Variants in ZNF749 observed in about 807,000 individuals in gnomAD.
The protein encoded by ZNF749 is zinc finger protein 749.
ZNF749 carries 8 observed loss-of-function variants against 7.3 expected under a neutral mutation model. The ratio of observed to expected loss-of-function variants is 1.10; its 90% confidence interval spans 0.64 to 1.98. The LOEUF (loss-of-function observed/expected upper bound fraction) is 1.98, where lower values mean the gene tolerates loss of function less well. Among genes scored for constraint, ZNF749 ranks in the 30% most tolerant of loss-of-function variants. The pLI is 0.00. For missense variants in ZNF749, 898 were observed against 932.4 expected, an observed-to-expected ratio of 0.96 and a Z score of 0.48; for synonymous variants, 310 against 322.4, an observed-to-expected ratio of 0.96 and a Z score of 0.41.
chr19:57,429,281 C>T, the ZNF749 span, among the ~76,000 whole-genome samples: 104 of 152,302 alleles, frequency 6.8e-4, no homozygotes, highest in Non-Finnish European at 1.2e-3. This position sits in a 1 kb window ranked among gnomAD's most constrained non-coding sequence, Gnocchi z 4.2. Flanking sequence ...CTGCCTCGGC[C>T]TCCCAAAGTA....
At chr19:57,430,978 T>A (rs1600099178), upstream of ZNF749, among the ~76,000 whole-genome samples, 1 of 146,464 alleles carries the variant, frequency 6.8e-6, no homozygotes, top group East Asian at 2.0e-4. Context: ...AGGCAGAGAT[T>A]GCAGTGAGCC....
Position 57,443,274 on chromosome 19 carries a change from C to T in ZNF749, c.143-17C>T. The T allele has an allele frequency of 6.3e-7, 1 of 1,576,560 alleles. No homozygotes were observed. The highest frequency in any genetic ancestry group is 1.8e-5 in the Admixed American group (1 of 56,836). The stretch of plus-strand genomic sequence containing the variant: ...CCGGAGTTCACGTGCACTTCACCAG[C>T]ATTTCTGTTCTTACAGGTTGTTGGC... On this transcript the variant is annotated splice_polypyrimidine_tract_variant and intron_variant, in intron 2 of 2. Transcript: ENST00000334181.
At chr19:57,438,111 A>G (rs1443142756) in intron 1 of ZNF749, 1 of 398,942 alleles carries the variant, frequency 2.5e-6, no homozygotes, top group African/African-American at 2.1e-5. Context: ...GGCCGAAAGA[A>G]TGAGGGTCGT....
chr19:57,435,403 C>A lies in ZNF749; in HGVS notation c.-176C>A. On this transcript the variant is annotated 5_prime_UTR_variant, in exon 1 of 3. In the 5' UTR this introduces an upstream ATG that the reference lacks. Coordinates refer to ENST00000334181, the MANE Select transcript of ZNF749 (RefSeq NM_001023561.4). Reference sequence around the variant, plus strand: ...CACTGATTTAGAGGGTCCCAGAGCTCTGGGTCGGGACTGAGGTGAAAGAGC... The same window carrying A: ...CACTGATTTAGAGGGTCCCAGAGCTATGGGTCGGGACTGAGGTGAAAGAGC... 1.1e-6 allele frequency: 1 copy of A among 918,024 alleles called. No individual in the cohort carries two copies. The highest frequency in any genetic ancestry group is 1.7e-6 in the Non-Finnish European group (1 of 598,418). 56.9% of individuals were successfully genotyped at this position (918,024 alleles called of 1,614,324 possible).
chr19:57,430,198 C>T, the ZNF749 span, among the ~76,000 whole-genome samples: 7 of 152,130 alleles, frequency 4.6e-5, no homozygotes, highest in Non-Finnish European at 7.3e-5. Context: ...TTTATTGGCT[C>T]GTAGTTTGGA....
chr19:57,443,722 G>T lies in ZNF749; in HGVS notation c.574G>T (p.Glu192Ter). 6.2e-7 allele frequency: 1 copy of T among 1,614,112 alleles called. No individual in the cohort carries two copies. Among genetic ancestry groups the T allele is most frequent in the Non-Finnish European group, 8.5e-7 (1 of 1,179,986 alleles). Reference protein sequence around the residue: ...DTQDGEAFQGEQNDFNSSQGG... With the variant: ...DTQDGEAFQG ...CCAGGATGGGGAAGCCTTTCAAGGT[G>T]AACAGAATGATTTCAACTCCAGCCA... Residue 192 changes from glutamate to a stop codon, truncating the protein, a stop_gained, in exon 3 of 3, where the codon GAA (glutamate) becomes TAA (stop). Coordinates refer to ENST00000334181, the MANE Select transcript of ZNF749 (RefSeq NM_001023561.4). LOFTEE classifies it low-confidence loss of function (END_TRUNC).
At chr19:57,430,649 T>C (rs2088894724), upstream of ZNF749, among the ~76,000 whole-genome samples, 1 of 152,180 alleles carries the variant, frequency 6.6e-6, no homozygotes, top group African/African-American at 2.4e-5. Context: ...CTTGAAAGCA[T>C]AGATCTTTAG....
At chr19:57,430,497 G>C (rs2088894271), upstream of ZNF749, among the ~76,000 whole-genome samples, 1 of 152,140 alleles carries the variant, frequency 6.6e-6, no homozygotes, top group Admixed American at 6.5e-5. Context: ...ACATAACTCT[G>C]GGTCATATGC....
At position 57,443,449 on chromosome 19, in the gene ZNF749, G is replaced by A. The variant is rs61747531; in HGVS notation, c.301G>A (p.Glu101Lys). The stretch of plus-strand genomic sequence containing the variant: ...TCTGAAGGACATTCTGCACCTGGCT[G>A]AGCACGATGGAACACACCCTGAGCA... ...SILKDILHLA[E>K]HDGTHPEQGL... The change falls in exon 3 of 3, where the codon GAG (glutamate) becomes AAG (lysine). Residue 101 changes from glutamate to lysine, a missense_variant. Physicochemically the swap from Glu to Lys is moderately conservative, Grantham distance 56. Coordinates refer to ENST00000334181, the MANE Select transcript of ZNF749 (RefSeq NM_001023561.4). 1,596 of 1,614,228 alleles carry A rather than the reference G, an allele frequency of 9.9e-4. 14 individuals are homozygous for A. In the African/African-American group the frequency reaches 0.019, roughly 19 times the overall value.
upstream of ZNF749, among the ~76,000 whole-genome samples, chr19:57,431,819 G>A (rs2088900135): frequency 6.6e-6 from 1 of 151,846 alleles, no homozygotes. Context: ...CTATGCTTGA[G>A]TTTTTTTTGT....
Position 57,443,789 on chromosome 19 carries a change from A to G in ZNF749, c.641A>G (p.His214Arg). 1 of 1,614,230 alleles carries G rather than the reference A, an allele frequency of 6.2e-7. No individual in the cohort carries two copies. Among genetic ancestry groups the G allele is most frequent in the East Asian group, 2.2e-5 (1 of 44,884 alleles). Reference protein sequence around the residue: ...DFCHQHGLFEHQKTHNGERPY... With the variant: ...DFCHQHGLFERQKTHNGERPY... ...TGCCACCAACATGGGCTGTTTGAGC[A>G]CCAAAAAACCCATAATGGGGAGAGG... Residue 214 changes from histidine to arginine, a missense_variant, in exon 3 of 3, where the codon CAC becomes CGC. Transcript: ENST00000334181.
At position 57,442,177 on chromosome 19, in the gene ZNF749, G is replaced by A. The variant is rs1398451319; in HGVS notation, c.142+166G>A. 6.6e-6 allele frequency among the ~76,000 whole-genome samples: 1 copy of A among 152,160 alleles called. No individual in the cohort carries two copies. The highest frequency in any genetic ancestry group is 1.5e-5 in the Non-Finnish European group (1 of 68,026). ...CAGCCAGAGCTGGGCTGTGTATACTGTACCACCTCCCCTTAAGCAGCCCCA... is the reference window on the plus strand; with the variant it reads ...CAGCCAGAGCTGGGCTGTGTATACTATACCACCTCCCCTTAAGCAGCCCCA... On this transcript the variant is annotated intron_variant, in intron 2 of 2. Coordinates refer to ENST00000334181, the MANE Select transcript of ZNF749 (RefSeq NM_001023561.4). This position sits in a 1 kb window ranked among gnomAD's most constrained non-coding sequence, Gnocchi z 6.6.
chr19:57,438,296 A>G (rs2088954934), intron 1 of ZNF749: 1 of 374,126 alleles, frequency 2.7e-6, no homozygotes, highest in African/African-American at 2.1e-5. Flanking sequence ...GCCTGTTAAC[A>G]ATAATGTGAA....
chr19:57,444,919 A>G lies in ZNF749; in HGVS notation c.1771A>G (p.Lys591Glu). 1 of 1,614,060 alleles carries G rather than the reference A, an allele frequency of 6.2e-7. No homozygotes were observed. The highest frequency in any genetic ancestry group is 1.1e-5 in the South Asian group (1 of 91,030). The change falls in exon 3 of 3, where the codon AAA (lysine) becomes GAA (glutamate). Residue 591 changes from lysine to glutamate, a missense_variant. Physicochemically the swap from Lys to Glu is moderately conservative, Grantham distance 56 (BLOSUM62 1). Coordinates refer to ENST00000334181, the MANE Select transcript of ZNF749 (RefSeq NM_001023561.4). ...GCGTTATGAATGCAATGAATGTGGG[A>G]AATTCTTTTTGGACAGCTACAAACT... is the stretch of plus-strand genomic sequence containing the variant. The part of the protein sequence containing the change: ...ERRYECNECG[K>E]FFLDSYKLVI...
At chr19:57,430,230 G>A in the ZNF749 span, among the ~76,000 whole-genome samples, 1 of 152,156 alleles carries the variant, frequency 6.6e-6, no homozygotes, top group Non-Finnish European at 1.5e-5. Flanking sequence ...CCAATACCAA[G>A]ATACTAGCAT....
At chr19:57,432,826 T>C (rs559680268), upstream of ZNF749, among the ~76,000 whole-genome samples, 1 of 152,330 alleles carries the variant, frequency 6.6e-6, no homozygotes, top group Admixed American at 6.5e-5. Flanking sequence ...ATTTCTACAA[T>C]GGTCACATCT....
upstream of ZNF749, among the ~76,000 whole-genome samples, chr19:57,434,076 A>G (rs373333029): frequency 5.9e-5 from 9 of 152,200 alleles, 1 homozygote; most frequent in East Asian, 1.5e-3. Flanking sequence ...TGCATGATAT[A>G]ACCTTGGTCT....
upstream of ZNF749, among the ~76,000 whole-genome samples, chr19:57,433,725 T>C (rs1011080294): frequency 2.0e-5 from 3 of 152,100 alleles, no homozygotes; most frequent in South Asian, 2.1e-4. Flanking sequence ...TAATTTTTGG[T>C]CTTTTCTTTG....
In ZNF749 at chr19:57,439,169, C is replaced by T. The variant is rs963040730; in HGVS notation, c.16-2716C>T. Reference sequence around the variant, plus strand: ...CACGTGCAGGTGAGGGTGGAGCCACCGATACCTGGGTGATGGGTCCAGCAA... The same window carrying T: ...CACGTGCAGGTGAGGGTGGAGCCACTGATACCTGGGTGATGGGTCCAGCAA... On this transcript the variant is annotated intron_variant, in intron 1 of 2. Transcript: ENST00000334181. This position sits in a 1 kb window ranked among gnomAD's most constrained non-coding sequence, Gnocchi z 4.3. Among the ~76,000 whole-genome samples the T allele has an allele frequency of 9.2e-5, 14 of 152,064 alleles. No individual in the cohort carries two copies. The highest frequency in any genetic ancestry group is 1.9e-4 in the East Asian group (1 of 5,190).
Sources: gnomAD v4.1 joint callset for allele counts (sites outside exome capture counted in the v4.1 genomes callset) on GRCh38, gnomAD v4.1.1 for gene constraint, Gnocchi (gnomAD v3.1) non-coding constraint, MANE v1.5 for transcripts, NCBI Gene and HGNC (gene_info 2026-07-23, HGNC 2026-07-21) for gene names.